DCAKD: variants seen among roughly 807,000 people sequenced by gnomAD.
DCAKD encodes dephospho-CoA kinase domain-containing protein.
In DCAKD, 15 loss-of-function variants were observed where a neutral mutation model predicts 18.7. The observed-to-expected ratio is 0.80, with a 90% CI of 0.54 to 1.24. DCAKD has a LOEUF of 1.24. DCAKD is among the 50% of genes most tolerant of loss of function. The probability of loss-of-function intolerance (pLI) is 0.00; values close to 1 mark genes in which losing one functional copy is unlikely to be tolerated. For synonymous variants in DCAKD, 130 were observed against 133.0 expected, an observed-to-expected ratio of 0.98 and a Z score of 0.16; for missense variants, 301 against 322.0, an observed-to-expected ratio of 0.93 and a Z score of 0.50.
At chr17:45,044,721 A>G (rs1303890571) in intron 1 of DCAKD, among the ~76,000 whole-genome samples, 3 of 122,820 alleles carry the variant, frequency 2.4e-5, no homozygotes, top group Non-Finnish European at 5.5e-5. Flanking sequence ...ATAAATAAAT[A>G]AATAAATAAA....
chr17:45,035,866 T>G (rs1597956504), intron 1 of DCAKD, among the ~76,000 whole-genome samples: 1 of 152,184 alleles, frequency 6.6e-6, no homozygotes, highest in Non-Finnish European at 1.5e-5. Context: ...ACGCCAGCAC[T>G]AGGACTGCCT....
chr17:45,036,904 C>T (rs1471036055), intron 1 of DCAKD, among the ~76,000 whole-genome samples: 1 of 152,170 alleles, frequency 6.6e-6, no homozygotes, highest in Non-Finnish European at 1.5e-5. Flanking sequence ...TGCCGTTAAG[C>T]AGCAGATTTA....
intron 1 of DCAKD, among the ~76,000 whole-genome samples, chr17:45,037,073 T>G (rs1349069102): frequency 1.3e-5 from 2 of 152,148 alleles, no homozygotes; most frequent in Non-Finnish European, 2.9e-5. Flanking sequence ...CTGCCACTGC[T>G]CATTCTCACC....
intron 1 of DCAKD, among the ~76,000 whole-genome samples, chr17:45,038,379 T>C (rs2143273819): frequency 6.6e-6 from 1 of 152,294 alleles, no homozygotes; most frequent in East Asian, 1.9e-4. Flanking sequence ...ACTCTTCTTT[T>C]ACAGCAGTGG....
At chr17:45,060,288 T>C (rs928087598) in intron 1 of DCAKD, among the ~76,000 whole-genome samples, 1 of 150,762 alleles carries the variant, frequency 6.6e-6, no homozygotes, top group South Asian at 2.1e-4. Context: ...CTTTGCGGGG[T>C]TGGGGTAGGA....
upstream of DCAKD, among the ~76,000 whole-genome samples, chr17:45,052,453 C>T (rs2053726971): frequency 6.6e-6 from 1 of 152,182 alleles, no homozygotes; most frequent in African/African-American, 2.4e-5. Flanking sequence ...TTTGCCCTCT[C>T]ATACAAAGTC....
At chr17:45,058,488 T>C (rs940254925) in intron 1 of DCAKD, among the ~76,000 whole-genome samples, 1 of 151,866 alleles carries the variant, frequency 6.6e-6, no homozygotes, top group African/African-American at 2.4e-5. Flanking sequence ...GGCAGAATCT[T>C]GGCTTACTGC....
chr17:45,046,185 A>G (rs1409915758), intron 1 of DCAKD, among the ~76,000 whole-genome samples: 1 of 152,116 alleles, frequency 6.6e-6, no homozygotes, highest in African/African-American at 2.4e-5. Flanking sequence ...TCCCACCTCC[A>G]CATTCCTGGA....
chr17:45,026,883 C>A lies in DCAKD; in HGVS notation c.405-2159G>T, dbSNP rs956675017. 23 of 950,242 alleles carry A rather than the reference C, an allele frequency of 2.4e-5. No individual in the cohort carries two copies. The African/African-American group carries it at 3.5e-4, about 15-fold the overall frequency. The allele number at this position is 950,242 out of a possible 1,614,324, so 58.9% of individuals were successfully genotyped here. On this transcript the variant is annotated intron_variant, in intron 4 of 4. Coordinates refer to ENST00000651974, the MANE Select transcript of DCAKD (RefSeq NM_001288655.2). ...GGGGCTCCCAGTAGGTGCACATCCT[C>A]CTGAAGGTGTGGCCCAGACCACAGA...
At chr17:45,056,015 C>A (rs2053775468), upstream of DCAKD, among the ~76,000 whole-genome samples, 1 of 152,084 alleles carries the variant, frequency 6.6e-6, no homozygotes, top group African/African-American at 2.4e-5. Flanking sequence ...ATTAGCCAGG[C>A]ATGGTGGCTC....
intron 3 of DCAKD, chr17:45,031,082 G>T (rs574204991): frequency 1.4e-5 from 14 of 985,382 alleles, no homozygotes; most frequent in Middle Eastern, 5.2e-4. Flanking sequence ...ATGCTTCTCT[G>T]CCCAGAGACC....
chr17:45,053,799 G>A (rs542820568), upstream of DCAKD, among the ~76,000 whole-genome samples: 1 of 152,280 alleles, frequency 6.6e-6, no homozygotes, highest in South Asian at 2.1e-4. Context: ...CTGACCTCAG[G>A]TGATCCACCC....
chr17:45,033,504 CCAGA>C (rs1268285753), intron 3 of DCAKD, among the ~76,000 whole-genome samples: 1 of 152,112 alleles, frequency 6.6e-6, no homozygotes, highest in African/African-American at 2.4e-5. Context: ...GCTCTGTTGC[CCAGA>C]CAGTCTGAGT....
intron 1 of DCAKD, among the ~76,000 whole-genome samples, chr17:45,048,573 G>A (rs1041650766): frequency 1.3e-5 from 2 of 152,166 alleles, no homozygotes; most frequent in Admixed American, 6.5e-5. Flanking sequence ...GGAGGCAGAC[G>A]TTGCAGTAAG....
chr17:45,032,699 G>A (rs2053196942), intron 3 of DCAKD, among the ~76,000 whole-genome samples: 1 of 151,282 alleles, frequency 6.6e-6, no homozygotes, highest in African/African-American at 2.4e-5. Flanking sequence ...CAGAAGAATC[G>A]CTTGAACCCG....
intron 4 of DCAKD, among the ~76,000 whole-genome samples, chr17:45,025,557 C>A (rs1296367793): frequency 6.6e-6 from 1 of 152,104 alleles, no homozygotes; most frequent in African/African-American, 2.4e-5. Context: ...ACAGTCAGTC[C>A]TCTGGAGCGG....
At chr17:45,055,933 C>T (rs986006192), upstream of DCAKD, among the ~76,000 whole-genome samples, 1 of 152,194 alleles carries the variant, frequency 6.6e-6, no homozygotes, top group Non-Finnish European at 1.5e-5. Context: ...GGCAGGGGAT[C>T]ACCTGAGGTC....
intron 3 of DCAKD, chr17:45,031,951 A>G: frequency 2.0e-6 from 2 of 985,434 alleles, no homozygotes; most frequent in Non-Finnish European, 2.4e-6. Flanking sequence ...TTTTCACCTT[A>G]TCGAGCTCAA....
chr17:45,061,098 G>C, exon 1 of DCAKD: 2 of 1,318,640 alleles, frequency 1.5e-6, no homozygotes, highest in Non-Finnish European at 1.9e-6. Context: ...TTTCCTCAAA[G>C]CGTGGCCGAA....
Sources: allele counts gnomAD v4.1 joint callset (sites outside exome capture counted in the v4.1 genomes callset), GRCh38; gene constraint gnomAD v4.1.1; transcripts MANE v1.5; gene names NCBI Gene and HGNC (gene_info 2026-07-23, HGNC 2026-07-21).